The following ARHGAP26 variants were observed in gnomAD, a reference collection of about 807,000 sequenced individuals.
ARHGAP26 encodes Rho GTPase activating protein 26.
A neutral mutation model predicts 104.8 loss-of-function variants in ARHGAP26; 38 were observed. The observed-to-expected ratio is 0.36, with a 90% CI of 0.28 to 0.48. The LOEUF is 0.48. Among genes scored for constraint, ARHGAP26 ranks in the 20% least tolerant of loss-of-function variants. The pLI, the probability that ARHGAP26 is intolerant of heterozygous loss-of-function variation, is 0.99. For synonymous variants in ARHGAP26, 341 were observed against 340.0 expected, an observed-to-expected ratio of 1.00 and a Z score of -0.03; for missense variants, 704 against 947.9, an observed-to-expected ratio of 0.74 and a Z score of 3.38.
chr5:143,094,432 G>A (rs951015519), intron 17 of ARHGAP26, among the ~76,000 whole-genome samples: 15 of 152,206 alleles, frequency 9.9e-5, no homozygotes, highest in African/African-American at 3.6e-4. Context: ...CCACAAGGGG[G>A]TGGGGTGCAC....
chr5:143,167,970 A>C (rs1220566590), intron 20 of ARHGAP26, among the ~76,000 whole-genome samples: 1 of 152,182 alleles, frequency 6.6e-6, no homozygotes, highest in East Asian at 1.9e-4. Context: ...CAGAAACATA[A>C]AGTACTTGTA....
Position 143,014,088 on chromosome 5 carries a change from C to T in ARHGAP26, c.1116C>T (p.Asn372=). The T allele has an allele frequency of 6.2e-7, 1 of 1,614,154 alleles. No homozygotes were observed. The highest frequency in any genetic ancestry group is 8.5e-7 in the Non-Finnish European group (1 of 1,180,004). ...TTATTTTTATTTTCCAGGTCTACAA[C>T]TCGAACAAAGACAGCCAGAGTGAAG... is the stretch of plus-strand genomic sequence containing the variant. ...EAMDGREPVY[N]SNKDSQSEGT... The change falls in exon 12 of 23, where the codon AAC becomes AAT. Residue 372 remains asparagine (N), a synonymous_variant. Transcript: ENST00000645722.
chr5:142,889,457 G>GC lies in ARHGAP26; in HGVS notation c.486+4059dup, dbSNP rs556930103. Among the ~76,000 whole-genome samples, 1,194 of 151,498 alleles carry GC rather than the reference G, an allele frequency of 7.9e-3. 5 individuals carry two copies. Among genetic ancestry groups the GC allele is most frequent in the Non-Finnish European group, 0.013 (898 of 67,792 alleles). ...GCGAAACCCTGTCTCTAGTGAAAATGCAAAAAAAAAATTAGCTAGATGTGG... is the reference window on the plus strand; with the variant it reads ...GCGAAACCCTGTCTCTAGTGAAAATGCCAAAAAAAAAATTAGCTAGATGTGG... On this transcript the variant is annotated intron_variant, in intron 5 of 22. Coordinates refer to ENST00000645722, the MANE Select transcript of ARHGAP26 (RefSeq NM_001135608.3).
At chr5:142,820,981 A>C (rs551876569) in intron 1 of ARHGAP26, among the ~76,000 whole-genome samples, 168 of 152,298 alleles carry the variant, frequency 1.1e-3, no homozygotes, top group African/African-American at 3.9e-3. Context: ...AATGCCAGGT[A>C]GTGGTGGGAT....
At chr5:142,968,286 A>G (rs977457422) in intron 11 of ARHGAP26, among the ~76,000 whole-genome samples, 25 of 152,382 alleles carry the variant, frequency 1.6e-4, no homozygotes, top group Middle Eastern at 3.4e-3. Context: ...AGCATCTGGT[A>G]TGAGAGCCAG....
intron 11 of ARHGAP26, among the ~76,000 whole-genome samples, chr5:142,938,254 A>G (rs528907355): frequency 1.3e-5 from 2 of 152,326 alleles, no homozygotes; most frequent in East Asian, 3.9e-4. Flanking sequence ...ACTTTAAAAA[A>G]CAACAAAGTT....
chr5:142,988,772 T>A lies in ARHGAP26; in HGVS notation c.1108-25308T>A, dbSNP rs1365723345. Among the ~76,000 whole-genome samples the A allele has an allele frequency of 3.3e-5, 5 of 152,222 alleles. No homozygotes were observed. In the South Asian group the frequency reaches 1.0e-3, roughly 31 times the overall value. ...TACCCAGTAGTCATTCAGGAGCAGG[T>A]TGTTCAGTTTCCCTGTAGTTGAGCG... On this transcript the variant is annotated intron_variant, in intron 11 of 22. Transcript: ENST00000645722.
At chr5:142,781,072 A>G (rs1757397420) in intron 1 of ARHGAP26, among the ~76,000 whole-genome samples, 1 of 152,148 alleles carries the variant, frequency 6.6e-6, no homozygotes, top group South Asian at 2.1e-4. Context: ...CTGTTTTGAG[A>G]GGAGGCAGGG....
At chr5:143,002,191 C>T (rs1298056087) in intron 11 of ARHGAP26, among the ~76,000 whole-genome samples, 1 of 152,162 alleles carries the variant, frequency 6.6e-6, no homozygotes, top group Non-Finnish European at 1.5e-5. Flanking sequence ...AGTGCTGTGA[C>T]TCACTCTCTG....
intron 1 of ARHGAP26, among the ~76,000 whole-genome samples, chr5:142,837,944 C>A (rs1405589193): frequency 2.0e-5 from 3 of 152,120 alleles, no homozygotes; most frequent in Non-Finnish European, 4.4e-5. Context: ...AGATAGCAAT[C>A]TGAGTGTTTG....
intron 1 of ARHGAP26, among the ~76,000 whole-genome samples, chr5:142,776,764 A>G (rs890088951): frequency 3.3e-5 from 5 of 152,204 alleles, no homozygotes; most frequent in Non-Finnish European, 7.3e-5. Context: ...ACCTAGGAGT[A>G]GAATTTTGCT....
intron 6 of ARHGAP26, among the ~76,000 whole-genome samples, chr5:142,900,139 A>C (rs1043090114): frequency 2.0e-5 from 3 of 152,218 alleles, no homozygotes; most frequent in Non-Finnish European, 4.4e-5. Flanking sequence ...TTTCACTGTG[A>C]ATGCTGGGAC....
chr5:142,812,534 TG>T (rs142430415), intron 1 of ARHGAP26, among the ~76,000 whole-genome samples: 3,468 of 152,042 alleles, frequency 0.023, 88 homozygotes, highest in African/African-American at 0.062. Flanking sequence ...GGTGGGGTTT[TG>T]CCATGTTGGC....
chr5:143,145,530 A>T (rs902979021), intron 19 of ARHGAP26, among the ~76,000 whole-genome samples: 1 of 152,168 alleles, frequency 6.6e-6, no homozygotes, highest in Non-Finnish European at 1.5e-5. Flanking sequence ...GGCACATCCA[A>T]TCTCTCAATG....
chr5:142,781,223 G>A (rs1021268255), intron 1 of ARHGAP26, among the ~76,000 whole-genome samples: 1 of 152,210 alleles, frequency 6.6e-6, no homozygotes, highest in Non-Finnish European at 1.5e-5. Flanking sequence ...GATCAGTCAT[G>A]TGAAGGGTAC....
At chr5:143,099,021 C>A (rs1351902131) in intron 17 of ARHGAP26, among the ~76,000 whole-genome samples, 1 of 152,076 alleles carries the variant, frequency 6.6e-6, no homozygotes, top group Non-Finnish European at 1.5e-5. Flanking sequence ...AGACACAATG[C>A]TGAAAAAAGG....
chr5:143,057,490 TG>T, intron 16 of ARHGAP26, 151 bp from the exon 17 acceptor site: 1 of 616,158 alleles, frequency 1.6e-6, no homozygotes, highest in Non-Finnish European at 2.8e-6. Flanking sequence ...CTAGTCATGC[TG>T]GCCACGCAGT....
chr5:142,800,254 T>G, intron 1 of ARHGAP26, among the ~76,000 whole-genome samples: 1 of 152,214 alleles, frequency 6.6e-6, no homozygotes, highest in East Asian at 1.9e-4. Context: ...TGCAGCTTAT[T>G]CGCTTCTGTT....
rs146056187 is a variant in ARHGAP26, at chr5:143,009,381, G to A, written c.1108-4699G>A. Among the ~76,000 whole-genome samples the A allele has an allele frequency of 1.1e-3, 174 of 152,296 alleles. 3 individuals are homozygous for A. Among genetic ancestry groups the A allele is most frequent in the African/African-American group, 4.1e-3 (169 of 41,554 alleles). ...GTTAGTGGTTAAGTGCTTGGGCTCT[G>A]GAGACAGACCGTGGGAGTTCCTGTC... On this transcript the variant is annotated intron_variant, in intron 11 of 22. Coordinates refer to ENST00000645722, the MANE Select transcript of ARHGAP26 (RefSeq NM_001135608.3).
Sources: allele counts gnomAD v4.1 joint callset (sites outside exome capture counted in the v4.1 genomes callset), GRCh38; gene constraint gnomAD v4.1.1; transcripts MANE v1.5; gene names NCBI Gene and HGNC (gene_info 2026-07-23, HGNC 2026-07-21).